The following DHX9 variants were observed in gnomAD, a reference collection of about 807,000 sequenced individuals.
DHX9 encodes ATP-dependent RNA helicase A.
Under a neutral mutation model 148.7 loss-of-function variants are expected in DHX9, and 27 were observed. The observed-to-expected ratio is 0.18, with a 90% CI of 0.13 to 0.25. DHX9 has a LOEUF of 0.25. Ranked by LOEUF, DHX9 falls within the 10% of genes least tolerant of loss-of-function variation. The probability of loss-of-function intolerance (pLI) is 1.00; values close to 1 mark genes in which losing one functional copy is unlikely to be tolerated. For missense variants in DHX9, 796 were observed against 1,559.6 expected (o/e 0.51, Z 8.25); for synonymous variants, 529 against 516.6 (o/e 1.02, Z -0.33).
intron 12 of DHX9, among the ~76,000 whole-genome samples, chr1:182,863,662 C>A (rs16859774): frequency 6.6e-6 from 1 of 152,034 alleles, no homozygotes; most frequent in Admixed American, 6.5e-5. Context: ...CATCTTCATA[C>A]GCTGTACAGT....
At chr1:182,878,916 C>T (rs1648952491) in intron 20 of DHX9, among the ~76,000 whole-genome samples, 1 of 152,200 alleles carries the variant, frequency 6.6e-6, no homozygotes, top group Non-Finnish European at 1.5e-5. Context: ...TACAAAAAGT[C>T]TTGTTGTCGT....
chr1:182,842,045 ACTTT>A (rs1048863407), intron 1 of DHX9, among the ~76,000 whole-genome samples: 10 of 152,232 alleles, frequency 6.6e-5, no homozygotes, highest in Non-Finnish European at 1.5e-4. Context: ...GCAAATGATA[ACTTT>A]CTTAATATAT....
chr1:182,851,689 A>G (rs548784337), intron 3 of DHX9, among the ~76,000 whole-genome samples: 1 of 152,330 alleles, frequency 6.6e-6, no homozygotes, highest in South Asian at 2.1e-4. Context: ...AGTTTAGAAA[A>G]CCAATATATT....
At chr1:182,855,330 T>C (rs1409708051) in intron 6 of DHX9, among the ~76,000 whole-genome samples, 3 of 152,214 alleles carry the variant, frequency 2.0e-5, no homozygotes, top group Non-Finnish European at 4.4e-5. Flanking sequence ...TTTTTTGTTA[T>C]CAGTATCTTA....
At chr1:182,864,054 CT>C (rs1476023889) in intron 12 of DHX9, among the ~76,000 whole-genome samples, 16 of 152,110 alleles carry the variant, frequency 1.1e-4, no homozygotes, top group East Asian at 1.9e-4. Flanking sequence ...GTCCCAGGTA[CT>C]TTGGAGGCTG....
intron 6 of DHX9, 32 bp downstream of exon 6, chr1:182,854,210 T>C (rs1287403586): frequency 6.4e-7 from 1 of 1,560,494 alleles, no homozygotes; most frequent in Admixed American, 1.9e-5. Context: ...CCTTCTGTAG[T>C]AAGTTAAGGT....
intron 5 of DHX9, 85 bp downstream of exon 5, chr1:182,853,503 A>C (rs1668196968): frequency 1.0e-6 from 1 of 1,004,154 alleles, no homozygotes; most frequent in Admixed American, 2.4e-5. Flanking sequence ...GATATTCACA[A>C]GTTAATAATT....
chr1:182,856,609 GTC>G (rs1240794699), intron 7 of DHX9, 31 bp downstream of exon 7: 1 of 1,602,964 alleles, frequency 6.2e-7, no homozygotes, highest in East Asian at 2.2e-5. Flanking sequence ...AATATTCCAA[GTC>G]TCTGTATAGA....
At chr1:182,877,160 G>T in intron 19 of DHX9, 1 of 391,034 alleles carries the variant, frequency 2.6e-6, no homozygotes, top group African/African-American at 2.1e-5. Context: ...TTGGCTGCTG[G>T]TGTCTCACTT....
chr1:182,855,460 C>A, intron 6 of DHX9: 1 of 735,378 alleles, frequency 1.4e-6, no homozygotes, highest in Non-Finnish European at 1.7e-6. Flanking sequence ...AAAGGCATAA[C>A]AGACAGCAAC....
At chr1:182,842,473 A>C (rs745469248) in intron 1 of DHX9, 72 bp from the exon 2 acceptor site, 6 of 756,430 alleles carry the variant, frequency 7.9e-6, no homozygotes, top group Admixed American at 5.6e-5. Context: ...CAGATTCAGT[A>C]ATCTAGATAA....
intron 7 of DHX9, among the ~76,000 whole-genome samples, chr1:182,857,160 C>G (rs561303131): frequency 5.3e-5 from 8 of 152,184 alleles, no homozygotes; most frequent in Admixed American, 2.6e-4. Context: ...AACATTTTTT[C>G]ATTTTTATAT....
intron 12 of DHX9, among the ~76,000 whole-genome samples, chr1:182,863,616 G>A (rs1230920905): frequency 6.6e-6 from 1 of 152,138 alleles, no homozygotes; most frequent in Non-Finnish European, 1.5e-5. Flanking sequence ...AGAAGATCAA[G>A]GGAAAAGTGA....
intron 14 of DHX9, among the ~76,000 whole-genome samples, chr1:182,871,259 T>C (rs1648542803): frequency 6.6e-6 from 1 of 152,116 alleles, no homozygotes; most frequent in Non-Finnish European, 1.5e-5. Flanking sequence ...AGAGGAAACA[T>C]TTGGCTAATA....
In DHX9 at chr1:182,883,728, T is replaced by G. The variant is rs1649193316; in HGVS notation, c.3260+93T>G. 5 of 778,530 alleles carry G rather than the reference T, an allele frequency of 6.4e-6. No individual in the cohort carries two copies. The Admixed American group carries it at 1.2e-4, about 19-fold the overall frequency. 48.2% of individuals were successfully genotyped at this position (778,530 alleles called of 1,614,324 possible). ...TAATCTAACTTAATTATATACTAAT[T>G]ATATCTAACTTAATTATATACTATA... On this transcript the variant is annotated intron_variant, in intron 26 of 27. Transcript: ENST00000367549.
chr1:182,883,746 A>G, intron 26 of DHX9, 111 bp downstream of exon 26: 1 of 608,430 alleles, frequency 1.6e-6, no homozygotes, highest in Non-Finnish European at 2.7e-6. Flanking sequence ...ACTTAATTAT[A>G]TACTATATAC....
At chr1:182,865,875 A>G (rs1051337601) in intron 12 of DHX9, among the ~76,000 whole-genome samples, 4 of 152,236 alleles carry the variant, frequency 2.6e-5, no homozygotes, top group East Asian at 1.9e-4. Flanking sequence ...ACATTAATCT[A>G]TAGCATTCCC....
At chr1:182,876,292 G>A (rs748328179) in intron 17 of DHX9, 29 bp downstream of exon 17, 10 of 1,607,638 alleles carry the variant, frequency 6.2e-6, no homozygotes, top group Non-Finnish European at 8.5e-6. Context: ...TCACATATTT[G>A]AGAGTGAAAA....
rs764734064 is a variant in DHX9, at chr1:182,887,138, T to C, written c.3517T>C (p.Tyr1173His). ...GGCCCGATACGACAATGGAAGCGGA[T>C]ATAGAAGGGGAGGTTCTAGTTACAG... Reference protein sequence around the residue: ...KMARYDNGSGYRRGGSSYSGG... With the variant: ...KMARYDNGSGHRRGGSSYSGG... The change falls in exon 28 of 28, where the codon TAT becomes CAT. Residue 1173 changes from tyrosine to histidine, a missense_variant. Around this residue, in one of 14 missense-constraint regions of DHX9, gnomAD observed 86 missense variants for 156.3 expected, o/e 0.55. Coordinates refer to ENST00000367549, the MANE Select transcript of DHX9 (RefSeq NM_001357.5). 16 of 1,614,198 alleles carry C rather than the reference T, an allele frequency of 9.9e-6. No homozygotes were observed. Among genetic ancestry groups the C allele is most frequent in the Non-Finnish European group, 1.4e-5 (16 of 1,180,036 alleles).
Sources: gnomAD v4.1 joint callset for allele counts (sites outside exome capture counted in the v4.1 genomes callset) on GRCh38, gnomAD v4.1.1 for gene constraint, gnomAD v4.1.1 regional missense constraint, MANE v1.5 for transcripts, NCBI Gene and HGNC (gene_info 2026-07-23, HGNC 2026-07-21) for gene names.